Variants in IRAK3 observed in about 807,000 individuals in gnomAD.
IRAK3 encodes interleukin 1 receptor associated kinase 3.
A neutral mutation model predicts 56.6 loss-of-function variants in IRAK3; 57 were observed. The observed-to-expected ratio is 1.01, with a 90% CI of 0.81 to 1.26. The LOEUF (loss-of-function observed/expected upper bound fraction) is 1.26. Ranked by LOEUF, IRAK3 falls within the 50% of genes most tolerant of loss-of-function variation. The pLI, the probability that IRAK3 is intolerant of heterozygous loss-of-function variation, is 0.00. For synonymous variants in IRAK3, 258 were observed against 255.7 expected, an observed-to-expected ratio of 1.01 and a Z score of -0.09; for missense variants, 703 against 719.0, an observed-to-expected ratio of 0.98 and a Z score of 0.25.
At chr12:66,247,034 CTG>C (rs1385304970) in intron 11 of IRAK3, among the ~76,000 whole-genome samples, 3 of 152,292 alleles carry the variant, frequency 2.0e-5, no homozygotes, top group Admixed American at 2.0e-4. Flanking sequence ...CTTTGAGAGT[CTG>C]AGGTGGGTGG....
In IRAK3 at chr12:66,203,871, T is replaced by A; in HGVS notation, c.294T>A (p.Ala98=). 6.2e-7 allele frequency: 1 copy of A among 1,613,832 alleles called. No homozygotes were observed. Among genetic ancestry groups the A allele is most frequent in the Non-Finnish European group, 8.5e-7 (1 of 1,179,684 alleles). Reference sequence around the variant, plus strand: ...TCCAGGAGATGGGACATCGTCGAGCTATTCATTTAATTACAAACTATGGTA... The same window carrying A: ...TCCAGGAGATGGGACATCGTCGAGCAATTCATTTAATTACAAACTATGGTA... ...QVLQEMGHRR[A]IHLITNYGAV... is the part of the protein sequence containing the mutation. The change falls in exon 2 of 12, where the codon GCT becomes GCA. Residue 98 remains alanine (A), a synonymous_variant. Transcript: ENST00000261233.
At chr12:66,243,086 C>A (rs2052988098) in intron 8 of IRAK3, among the ~76,000 whole-genome samples, 1 of 151,936 alleles carries the variant, frequency 6.6e-6, no homozygotes, top group Non-Finnish European at 1.5e-5. Context: ...AAAAAGACCA[C>A]CGGAAGTGCC....
Position 66,248,108 on chromosome 12 carries a change from A to G in IRAK3, c.1728A>G (p.Pro576=). Residue 576 remains proline (P), a synonymous_variant, in exon 12 of 12, where the codon CCA becomes CCG. Coordinates refer to ENST00000261233, the MANE Select transcript of IRAK3 (RefSeq NM_007199.3). The part of the protein sequence containing the change: ...EAPGHSCRSR[P]VESSCSSKFS... ...CAGGGCATTCTTGCAGGAGCAGGCC[A>G]GTGGAGAGCAGCTGTTCCTCCAAAT... is the stretch of plus-strand genomic sequence containing the variant. 6.2e-7 allele frequency: 1 copy of G among 1,610,480 alleles called. No homozygotes were observed. Among genetic ancestry groups the G allele is most frequent in the Non-Finnish European group, 8.5e-7 (1 of 1,178,504 alleles).
chr12:66,221,820 G>A (rs1207368507), intron 6 of IRAK3, among the ~76,000 whole-genome samples: 1 of 152,168 alleles, frequency 6.6e-6, no homozygotes, highest in Non-Finnish European at 1.5e-5. Flanking sequence ...CCTGAGGTCA[G>A]GAGTTCAAGA....
intron 8 of IRAK3, among the ~76,000 whole-genome samples, chr12:66,233,496 C>A (rs1208180515): frequency 6.9e-6 from 1 of 144,076 alleles, no homozygotes; most frequent in Admixed American, 7.2e-5. Flanking sequence ...CCAGCCTGGG[C>A]GACAGAGCGA....
At chr12:66,235,320 G>A in intron 8 of IRAK3, 1 of 1,163,676 alleles carries the variant, frequency 8.6e-7, no homozygotes, top group Non-Finnish European at 1.1e-6. Context: ...CGCGGGCGCG[G>A]GGCAGCCTGG....
chr12:66,220,514 C>CTTCTTTTTTTTTTTT (rs767977181), intron 6 of IRAK3, among the ~76,000 whole-genome samples: 10 of 67,352 alleles, frequency 1.5e-4, no homozygotes, highest in African/African-American at 5.9e-4. Context: ...GTTCTTCTTT[C>CTTCTTTTTTTTTTTT]TTTTTTTTTT....
At chr12:66,236,997 C>T (rs1029796085) in intron 8 of IRAK3, among the ~76,000 whole-genome samples, 1 of 152,046 alleles carries the variant, frequency 6.6e-6, no homozygotes, top group South Asian at 2.1e-4. Context: ...GCCACCCTAG[C>T]GATCTCGTTG....
intron 8 of IRAK3, chr12:66,235,178 G>A: frequency 2.1e-5 from 34 of 1,613,736 alleles, no homozygotes; most frequent in Non-Finnish European, 2.9e-5. Flanking sequence ...GGTGGTGCTG[G>A]GACTGGGAGG....
intron 1 of IRAK3, among the ~76,000 whole-genome samples, chr12:66,195,740 A>T (rs1592573952): frequency 6.9e-6 from 1 of 144,200 alleles, no homozygotes; most frequent in African/African-American, 2.6e-5. Context: ...GCTCTCTGCA[A>T]CCTCTACCTC....
intron 5 of IRAK3, among the ~76,000 whole-genome samples, chr12:66,213,149 C>T (rs1400368918): frequency 1.3e-5 from 2 of 152,200 alleles, no homozygotes; most frequent in Non-Finnish European, 2.9e-5. Flanking sequence ...ATGAAAGGCA[C>T]GCCTTACGAT....
chr12:66,211,938 C>T (rs1373483041), intron 5 of IRAK3, among the ~76,000 whole-genome samples: 3 of 152,090 alleles, frequency 2.0e-5, no homozygotes, highest in Non-Finnish European at 4.4e-5. Context: ...GGGTGAAACC[C>T]TGTCTCTACT....
chr12:66,197,845 G>C (rs182804222), intron 1 of IRAK3: 18 of 985,252 alleles, frequency 1.8e-5, no homozygotes, highest in Non-Finnish European at 2.2e-5. Context: ...CAGTTTCTCA[G>C]CCAAGTCACA....
intron 8 of IRAK3, among the ~76,000 whole-genome samples, chr12:66,239,748 A>T (rs922132461): frequency 4.1e-4 from 63 of 152,268 alleles, no homozygotes; most frequent in African/African-American, 1.4e-3. Context: ...TTTCTAAGGG[A>T]TGCCAAAACA....
intron 1 of IRAK3, among the ~76,000 whole-genome samples, chr12:66,192,456 C>T (rs11176084): frequency 0.058 from 8,776 of 152,170 alleles, 663 homozygotes; most frequent in African/African-American, 0.18. Flanking sequence ...GGAGACAACT[C>T]ATCTGATTAC....
chr12:66,245,160 T>G lies in IRAK3; in HGVS notation c.1212T>G (p.Asp404Glu). 1.2e-6 allele frequency: 2 copies of G among 1,614,162 alleles called. No individual in the cohort carries two copies. Among genetic ancestry groups the G allele is most frequent in the Non-Finnish European group, 1.7e-6 (2 of 1,180,008 alleles). The change falls in exon 11 of 12, where the codon GAT (aspartate) becomes GAG (glutamate). Residue 404 changes from aspartate (D) to glutamate (E), a missense_variant. Transcript: ENST00000261233. ...RGLDSCLSFL[D>E]KKVPPCPRNF... Reference sequence around the variant, plus strand: ...TGGATTCATGTCTCTCATTTCTAGATAAGAAAGTGCCTCCCTGCCCTCGGA... The same window carrying G: ...TGGATTCATGTCTCTCATTTCTAGAGAAGAAAGTGCCTCCCTGCCCTCGGA...
chr12:66,218,510 C>T (rs1314739152), intron 6 of IRAK3, among the ~76,000 whole-genome samples: 3 of 152,188 alleles, frequency 2.0e-5, no homozygotes, highest in Non-Finnish European at 1.5e-5. Flanking sequence ...TACCAATTTA[C>T]TTTCAAAGCA....
chr12:66,215,798 A>T (rs865791631), intron 5 of IRAK3, among the ~76,000 whole-genome samples: 17 of 53,996 alleles, frequency 3.1e-4, no homozygotes, highest in African/African-American at 6.0e-4. Flanking sequence ...ACACACACAC[A>T]CACACACACA....
intron 1 of IRAK3, among the ~76,000 whole-genome samples, chr12:66,191,328 G>A (rs1341863352): frequency 6.6e-6 from 1 of 152,206 alleles, no homozygotes; most frequent in African/African-American, 2.4e-5. Context: ...TGCTACAGGG[G>A]TTCTTGTTTG....
Sources: gnomAD v4.1 joint callset for allele counts (sites outside exome capture counted in the v4.1 genomes callset) on GRCh38, gnomAD v4.1.1 for gene constraint, MANE v1.5 for transcripts, NCBI Gene and HGNC (gene_info 2026-07-23, HGNC 2026-07-21) for gene names.